PACC1: variants seen among roughly 807,000 people sequenced by gnomAD.
PACC1 encodes the protein proton activated chloride channel 1.
In PACC1, 34 loss-of-function variants were observed where a neutral mutation model predicts 39.7. The ratio of observed to expected loss-of-function variants is 0.86; its 90% CI spans 0.65 to 1.14. The LOEUF is 1.14. Ranked by LOEUF, PACC1 falls within the 50% of genes most tolerant of loss-of-function variation. The pLI, the probability that PACC1 is intolerant of heterozygous loss-of-function variation, is 0.00. For missense variants in PACC1, 379 were observed against 436.4 expected (o/e 0.87, Z 1.17); for synonymous variants, 127 against 160.6 (o/e 0.79, Z 1.58).
intron 4 of PACC1, among the ~76,000 whole-genome samples, chr1:212,382,985 C>T (rs976837390): frequency 5.3e-5 from 8 of 152,242 alleles, no homozygotes; most frequent in Admixed American, 1.3e-4. Flanking sequence ...AGCAGAGCTG[C>T]GGGCCCTTCC....
rs538206829 is a variant in PACC1, at chr1:212,408,132, A to C, written c.133+2293T>G. On this transcript the variant is annotated intron_variant, in intron 2 of 7. Transcript: ENST00000261455. ...TAGTAGAGAGAGTTTAGGGTTGGGCAGAGTTTGACTCAGTCTGTGTTTACC... is the reference window on the plus strand; with the variant it reads ...TAGTAGAGAGAGTTTAGGGTTGGGCCGAGTTTGACTCAGTCTGTGTTTACC... Among the ~76,000 whole-genome samples, 65 of 151,474 alleles carry C rather than the reference A, an allele frequency of 4.3e-4. No individual in the cohort carries two copies. In the South Asian group the frequency reaches 0.013, roughly 31 times the overall value.
chr1:212,380,716 C>T (rs1660846650), intron 4 of PACC1, among the ~76,000 whole-genome samples: 1 of 152,168 alleles, frequency 6.6e-6, no homozygotes, highest in Admixed American at 6.5e-5. Context: ...AGAGCCCACA[C>T]ATTTGTCTGT....
intron 4 of PACC1, among the ~76,000 whole-genome samples, chr1:212,383,561 T>G (rs1474454546): frequency 6.6e-6 from 1 of 152,266 alleles, no homozygotes; most frequent in East Asian, 1.9e-4. Flanking sequence ...CCATTCTATT[T>G]GTTCATCTTG....
At chr1:212,393,475 G>A (rs1661401888) in intron 2 of PACC1, among the ~76,000 whole-genome samples, 1 of 152,164 alleles carries the variant, frequency 6.6e-6, no homozygotes, top group Non-Finnish European at 1.5e-5. Flanking sequence ...ATGCCCACAA[G>A]AGAAAGCAGG....
At chr1:212,382,587 G>T (rs563288772) in intron 4 of PACC1, among the ~76,000 whole-genome samples, 1 of 152,156 alleles carries the variant, frequency 6.6e-6, no homozygotes, top group Non-Finnish European at 1.5e-5. Flanking sequence ...TGAGACCCTC[G>T]ACTGGGGTCA....
Position 212,385,420 on chromosome 1 carries a change from C to CAATA in PACC1, c.345_348dup (p.Ala117TyrfsTer14). On this transcript the variant is annotated frameshift_variant, in exon 4 of 8. Coordinates refer to ENST00000261455, the MANE Select transcript of PACC1 (RefSeq NM_018252.3). LOFTEE classifies it high-confidence loss of function. ...AACTGGGCCTGACCGGGGTACAAGGCAATACCTGGGGGCACAAACAGGAAA... is the reference window on the plus strand; with the variant it reads ...AACTGGGCCTGACCGGGGTACAAGGCAATAAATACCTGGGGGCACAAACAGGAAA... 6.2e-7 allele frequency: 1 copy of CAATA among 1,614,016 alleles called. No homozygotes were observed. The highest frequency in any genetic ancestry group is 8.5e-7 in the Non-Finnish European group (1 of 1,179,964).
chr1:212,372,309 CAAAAAAA>C (rs531790538), intron 7 of PACC1, among the ~76,000 whole-genome samples: 36 of 140,564 alleles, frequency 2.6e-4, no homozygotes, highest in Non-Finnish European at 5.0e-4. Flanking sequence ...AAACAAAAAA[CAAAAAAA>C]AAACAAAAAA....
intron 5 of PACC1, among the ~76,000 whole-genome samples, chr1:212,378,304 G>A (rs114080444): frequency 0.017 from 2,618 of 152,358 alleles, 77 homozygotes; most frequent in African/African-American, 0.06. Context: ...GCGTGGAGTG[G>A]GGGTGGGATC....
chr1:212,413,394 T>C (rs12403586), intron 1 of PACC1, among the ~76,000 whole-genome samples: 24,765 of 152,054 alleles, frequency 0.16, 2,774 homozygotes, highest in East Asian at 0.38. Context: ...AAGGGAGATA[T>C]GTACAGCAGT....
intron 7 of PACC1, among the ~76,000 whole-genome samples, chr1:212,368,051 G>A (rs1660307051): frequency 6.6e-6 from 1 of 152,038 alleles, no homozygotes; most frequent in African/African-American, 2.4e-5. Flanking sequence ...TCCCCTTGAG[G>A]GAAAGATAAG....
Position 212,395,282 on chromosome 1 carries a change from G to A in PACC1, c.134-8182C>T, listed in dbSNP as rs1046880705. On this transcript the variant is annotated intron_variant, in intron 2 of 7. Transcript: ENST00000261455. ...GAACAGAGCCCTCAGAAATAATACC[G>A]CACATCTACAACTATCTGATCTTTG... Among the ~76,000 whole-genome samples, 31 of 152,104 alleles carry A rather than the reference G, an allele frequency of 2.0e-4. No homozygotes were observed. The South Asian group carries it at 5.0e-3, about 24-fold the overall frequency.
At chr1:212,404,017 C>A (rs1317847338) in intron 2 of PACC1, among the ~76,000 whole-genome samples, 1 of 152,236 alleles carries the variant, frequency 6.6e-6, no homozygotes, top group Non-Finnish European at 1.5e-5. Flanking sequence ...TTTGCCGCAG[C>A]ATGGTTGTCT....
At chr1:212,370,785 C>G (rs1017263451) in intron 7 of PACC1, among the ~76,000 whole-genome samples, 2 of 151,930 alleles carry the variant, frequency 1.3e-5, no homozygotes, top group Non-Finnish European at 2.9e-5. Context: ...TGAGATACAG[C>G]AAAAGCAGTA....
rs1172419283 is a variant in PACC1, at chr1:212,387,102, T to C, written c.134-2A>G. 6.2e-7 allele frequency: 1 copy of C among 1,613,532 alleles called. No individual in the cohort carries two copies. The highest frequency in any genetic ancestry group is 8.5e-7 in the Non-Finnish European group (1 of 1,180,004). ...TGGAGGCGGACTCGCTGTCCAGGCC[T>C]GACAACAACAAAACACCATGTGACC... On this transcript the variant is annotated splice_acceptor_variant, in intron 2 of 7. Transcript: ENST00000261455. LOFTEE classifies it high-confidence loss of function.
At chr1:212,370,569 T>G (rs1660411633) in intron 7 of PACC1, among the ~76,000 whole-genome samples, 1 of 152,230 alleles carries the variant, frequency 6.6e-6, no homozygotes. Context: ...TTCAACTAAT[T>G]CAGAAAAATT....
chr1:212,408,791 C>A (rs1662018896), intron 2 of PACC1, among the ~76,000 whole-genome samples: 1 of 152,236 alleles, frequency 6.6e-6, no homozygotes, highest in Admixed American at 6.5e-5. Flanking sequence ...ATTCACTCAA[C>A]AAATCTTTAT....
chr1:212,371,843 T>A (rs540990650), intron 7 of PACC1, among the ~76,000 whole-genome samples: 9 of 152,266 alleles, frequency 5.9e-5, no homozygotes, highest in African/African-American at 2.2e-4. Context: ...TCAAGAGGGA[T>A]CCATCTCAGA....
Position 212,414,853 on chromosome 1 carries a change from C to T in PACC1, c.-96G>A. 6.5e-7 allele frequency: 1 copy of T among 1,537,194 alleles called. No homozygotes were observed. Among genetic ancestry groups the T allele is most frequent in the Non-Finnish European group, 8.9e-7 (1 of 1,121,636 alleles). ...GCTGCACCTGGACCTACCGGCTCCGCGAGGCGAAACCGGTCCGGAGGGGCG... is the reference window on the plus strand; with the variant it reads ...GCTGCACCTGGACCTACCGGCTCCGTGAGGCGAAACCGGTCCGGAGGGGCG... On this transcript the variant is annotated 5_prime_UTR_variant, in exon 1 of 8. Transcript: ENST00000261455.
intron 2 of PACC1, among the ~76,000 whole-genome samples, chr1:212,395,661 T>C (rs908310759): frequency 6.6e-6 from 1 of 151,870 alleles, no homozygotes; most frequent in Non-Finnish European, 1.5e-5. Flanking sequence ...ACCTACAGAA[T>C]GGGAGAAAAT....
Sources: gnomAD v4.1 joint callset for allele counts (sites outside exome capture counted in the v4.1 genomes callset) on GRCh38, gnomAD v4.1.1 for gene constraint, MANE v1.5 for transcripts, NCBI Gene and HGNC (gene_info 2026-07-23, HGNC 2026-07-21) for gene names.